The following KCTD8 variants were observed in gnomAD, a reference collection of about 807,000 sequenced individuals.
The protein encoded by KCTD8 is BTB/POZ domain-containing protein KCTD8.
KCTD8 carries 27 observed loss-of-function variants against 31.5 expected under a neutral mutation model. The ratio of observed to expected loss-of-function variants is 0.86; its 90% CI spans 0.63 to 1.18. The LOEUF (loss-of-function observed/expected upper bound fraction) is 1.18. Among genes scored for constraint, KCTD8 ranks in the 50% most tolerant of loss-of-function variants. The pLI is 0.00. For missense variants in KCTD8, 658 were observed against 647.7 expected, an observed-to-expected ratio of 1.02 and a Z score of -0.17; for synonymous variants, 290 against 280.0, an observed-to-expected ratio of 1.04 and a Z score of -0.36.
At chr4:44,304,427 T>A (rs1717739667) in intron 1 of KCTD8, among the ~76,000 whole-genome samples, 1 of 152,178 alleles carries the variant, frequency 6.6e-6, no homozygotes. Flanking sequence ...ATCACTTGGA[T>A]CAAAACATTT....
intron 1 of KCTD8, among the ~76,000 whole-genome samples, chr4:44,204,299 G>T (rs1426273523): frequency 1.3e-5 from 2 of 151,974 alleles, no homozygotes; most frequent in Non-Finnish European, 2.9e-5. Context: ...AAAGAAAGAA[G>T]AAATAAAAAA....
chr4:44,240,339 T>C (rs906852713), intron 1 of KCTD8, among the ~76,000 whole-genome samples: 1 of 152,216 alleles, frequency 6.6e-6, no homozygotes, highest in Non-Finnish European at 1.5e-5. Flanking sequence ...GTCCCCTTAC[T>C]TTGAAGTGAT....
chr4:44,205,547 A>AT (rs1178973003), intron 1 of KCTD8, among the ~76,000 whole-genome samples: 3 of 152,220 alleles, frequency 2.0e-5, no homozygotes, highest in Non-Finnish European at 4.4e-5. Context: ...CTCTAAAATA[A>AT]TTTTTTTGCT....
chr4:44,348,142 CA>C (rs1418152064), intron 1 of KCTD8, among the ~76,000 whole-genome samples: 1 of 151,972 alleles, frequency 6.6e-6, no homozygotes, highest in Non-Finnish European at 1.5e-5. Context: ...CTGTATTACA[CA>C]AAAAAGAACA....
intron 1 of KCTD8, among the ~76,000 whole-genome samples, chr4:44,399,288 A>C (rs923083551): frequency 1.3e-5 from 2 of 152,176 alleles, no homozygotes; most frequent in African/African-American, 4.8e-5. Context: ...TGATTAGTGA[A>C]AGAATTCAGG....
chr4:44,292,540 A>G (rs560019692), intron 1 of KCTD8, among the ~76,000 whole-genome samples: 1 of 152,240 alleles, frequency 6.6e-6, no homozygotes, highest in South Asian at 2.1e-4. Flanking sequence ...TACCTGAGTG[A>G]TGGGATCATC....
rs868161654 is a variant in KCTD8, at chr4:44,217,474, T to C, written c.962-42224A>G. On this transcript the variant is annotated intron_variant, in intron 1 of 1. Transcript: ENST00000360029. ...GAAAATAGAATGAATAAGACTGTGA[T>C]GGTTAAAAATATTAGGTGTCAACTT... 4.6e-5 allele frequency among the ~76,000 whole-genome samples: 7 copies of C among 152,268 alleles called. No individual in the cohort carries two copies. The South Asian group carries it at 6.2e-4, about 13-fold the overall frequency.
At position 44,317,416 on chromosome 4, in the gene KCTD8, T is replaced by C. The variant is rs190943520; in HGVS notation, c.961+130147A>G. 4.7e-3 allele frequency among the ~76,000 whole-genome samples: 676 copies of C among 144,552 alleles called. 6 individuals are homozygous for C. The highest frequency in any genetic ancestry group is 0.011 in the South Asian group (48 of 4,564). The allele number at this position is 144,552 out of a possible 152,430, so 94.8% of individuals were successfully genotyped here. On this transcript the variant is annotated intron_variant, in intron 1 of 1. Coordinates refer to ENST00000360029, the MANE Select transcript of KCTD8 (RefSeq NM_198353.3). ...CACCGCACCCGGCTAATTTTTTGTATTTTTAGTAGAGACGGGGTTTCACCT... is the reference window on the plus strand; with the variant it reads ...CACCGCACCCGGCTAATTTTTTGTACTTTTAGTAGAGACGGGGTTTCACCT...
chr4:44,249,951 C>T (rs894866900), intron 1 of KCTD8, among the ~76,000 whole-genome samples: 1 of 151,716 alleles, frequency 6.6e-6, no homozygotes, highest in South Asian at 2.1e-4. Context: ...CTTACATGTA[C>T]CTGTATCTAT....
chr4:44,288,550 G>C (rs1168394514), intron 1 of KCTD8, among the ~76,000 whole-genome samples: 1 of 151,988 alleles, frequency 6.6e-6, no homozygotes, highest in East Asian at 1.9e-4. Context: ...GGAAGTAGTA[G>C]ATACTTTGCA....
chr4:44,197,424 G>C (rs1435838832), intron 1 of KCTD8, among the ~76,000 whole-genome samples: 1 of 152,130 alleles, frequency 6.6e-6, no homozygotes, highest in Non-Finnish European at 1.5e-5. Flanking sequence ...CAGATCTGGG[G>C]AGGGGGTCAT....
chr4:44,398,226 C>A (rs1720559101), intron 1 of KCTD8, among the ~76,000 whole-genome samples: 1 of 152,152 alleles, frequency 6.6e-6, no homozygotes, highest in Non-Finnish European at 1.5e-5. Flanking sequence ...AAAGTTAGTT[C>A]TCCGAAGTAA....
chr4:44,370,131 A>G (rs1017931348), intron 1 of KCTD8, among the ~76,000 whole-genome samples: 3 of 152,194 alleles, frequency 2.0e-5, no homozygotes, highest in African/African-American at 7.2e-5. Context: ...TATTCTTTTT[A>G]TGAAAGTCTC....
chr4:44,299,908 C>T (rs1717557410), intron 1 of KCTD8, among the ~76,000 whole-genome samples: 1 of 151,598 alleles, frequency 6.6e-6, no homozygotes, highest in African/African-American at 2.4e-5. Context: ...CCCGCCACCA[C>T]GCCCGGCTAA....
chr4:44,228,510 CA>C (rs908625989), intron 1 of KCTD8, among the ~76,000 whole-genome samples: 3 of 152,216 alleles, frequency 2.0e-5, no homozygotes. Context: ...TCAATATATG[CA>C]AGCCATATGG....
intron 1 of KCTD8, among the ~76,000 whole-genome samples, chr4:44,254,490 T>C (rs1392761267): frequency 1.3e-5 from 2 of 151,780 alleles, no homozygotes; most frequent in African/African-American, 2.4e-5. Flanking sequence ...TGACCAAAGG[T>C]CTTTGCTGTA....
At chr4:44,402,876 G>A (rs190411741) in intron 1 of KCTD8, among the ~76,000 whole-genome samples, 59 of 152,196 alleles carry the variant, frequency 3.9e-4, no homozygotes, top group African/African-American at 1.3e-3. Context: ...TGACTTCCAA[G>A]AACACTCAAA....
chr4:44,384,886 T>C (rs1361558568), intron 1 of KCTD8, among the ~76,000 whole-genome samples: 1 of 151,678 alleles, frequency 6.6e-6, no homozygotes, highest in Non-Finnish European at 1.5e-5. Context: ...TGTATCAAAA[T>C]GTCACAGGGT....
intron 1 of KCTD8, among the ~76,000 whole-genome samples, chr4:44,284,892 T>C (rs1307501006): frequency 4.6e-5 from 7 of 152,056 alleles, no homozygotes; most frequent in Admixed American, 2.6e-4. Flanking sequence ...CACTGGTCAT[T>C]AGAGAAATGC....
Sources: gnomAD v4.1 joint callset for allele counts (sites outside exome capture counted in the v4.1 genomes callset) on GRCh38, gnomAD v4.1.1 for gene constraint, MANE v1.5 for transcripts, NCBI Gene and HGNC (gene_info 2026-07-23, HGNC 2026-07-21) for gene names.